CACNA1G: variants seen among roughly 807,000 people sequenced by gnomAD.
The protein encoded by CACNA1G is voltage-dependent T-type calcium channel subunit alpha-1G.
CACNA1G carries 67 observed loss-of-function variants against 219.4 expected under a neutral mutation model. That is an observed-to-expected ratio of 0.31 (90% CI 0.25 to 0.37). The LOEUF (loss-of-function observed/expected upper bound fraction) is 0.37, where lower values mean the gene tolerates loss of function less well. Among genes scored for constraint, CACNA1G ranks in the 10% least tolerant of loss-of-function variants. The pLI is 1.00. For synonymous variants in CACNA1G, 1,296 were observed against 1,345.3 expected (o/e 0.96, Z 0.80); for missense variants, 2,380 against 3,231.4 (o/e 0.74, Z 6.39).
intron 1 of CACNA1G, 32 bp downstream of exon 1, chr17:50,561,733 G>T: frequency 6.5e-7 from 1 of 1,527,786 alleles, no homozygotes; most frequent in Non-Finnish European, 8.8e-7. Flanking sequence ...CCAGGCGCGG[G>T]GTCAGAAGGG....
intron 26 of CACNA1G, among the ~76,000 whole-genome samples, chr17:50,610,679 G>A (rs554413112): frequency 1.2e-4 from 18 of 152,172 alleles, no homozygotes; most frequent in African/African-American, 4.3e-4. Context: ...TCTCCAGCTG[G>A]TGGTTCCCAA....
At chr17:50,593,352 G>T (rs1320805778) in intron 13 of CACNA1G, among the ~76,000 whole-genome samples, 1 of 152,214 alleles carries the variant, frequency 6.6e-6, no homozygotes, top group Non-Finnish European at 1.5e-5. Flanking sequence ...GCCAGCCACG[G>T]TTCCCTCAGA....
intron 1 of CACNA1G, among the ~76,000 whole-genome samples, chr17:50,564,657 A>T (rs941236689): frequency 6.6e-6 from 1 of 152,024 alleles, no homozygotes; most frequent in Non-Finnish European, 1.5e-5. Context: ...CTTCCTTGCC[A>T]CACTGTCCCA....
In CACNA1G at chr17:50,577,801, C is replaced by T. The variant is rs150934802; in HGVS notation, c.1925-387C>T. Among the ~76,000 whole-genome samples, 240 of 152,042 alleles carry T rather than the reference C, an allele frequency of 1.6e-3. 1 individual carries two copies. Among genetic ancestry groups the T allele is most frequent in the Non-Finnish European group, 2.9e-3 (194 of 67,968 alleles). On this transcript the variant is annotated intron_variant, in intron 8 of 37. Transcript: ENST00000359106. The stretch of plus-strand genomic sequence containing the variant: ...GTGTGTGCAAGTGCACGTGTGTGGG[C>T]GTGTCTTAAGGATCCCATGGAAAGT...
rs1305717975 is a variant in CACNA1G, at chr17:50,618,005, G to T, written c.5227-43G>T. ...GAAGGGGCTCAGAGAAGCTGACTGG[G>T]AGACCCAGCGGCATCGTTTCTATTT... On this transcript the variant is annotated intron_variant, in intron 30 of 37. Transcript: ENST00000359106. The surrounding 1 kb of genome is among the most constrained non-coding windows in gnomAD (Gnocchi z 5.3). The T allele has an allele frequency of 1.9e-6, 3 of 1,612,820 alleles. No individual in the cohort carries two copies. The African/African-American group carries it at 4.0e-5, about 22-fold the overall frequency.
chr17:50,563,705 T>C (rs1025392395), intron 1 of CACNA1G: 2 of 152,106 alleles, frequency 1.3e-5, no homozygotes, highest in Non-Finnish European at 2.9e-5. Flanking sequence ...ACCTTGGGAG[T>C]TGGGGAGCAG....
At chr17:50,574,601 G>A (rs1741253285) in intron 7 of CACNA1G, among the ~76,000 whole-genome samples, 1 of 152,182 alleles carries the variant, frequency 6.6e-6, no homozygotes, top group Admixed American at 6.5e-5. Flanking sequence ...CCTGGGCTTG[G>A]GAGAGGGGGA....
rs530678477 is a variant in CACNA1G at position 50,583,576 on chromosome 17, T to C, written c.2301+5012T>C. Among the ~76,000 whole-genome samples the C allele has an allele frequency of 5.3e-5, 8 of 151,228 alleles. No homozygotes were observed. In the East Asian group the frequency reaches 1.6e-3, roughly 30 times the overall value. On this transcript the variant is annotated intron_variant, in intron 9 of 37. Transcript: ENST00000359106. ...CAAAGGAGAGCTGCTCATCCCCAGC[T>C]CTCCTTCGGAAGGGCTTCACGAAGG...
chr17:50,561,594 C>G lies in CACNA1G; in HGVS notation c.135C>G (p.Asp45Glu), dbSNP rs1170820504. ...GSAEKDPGSA[D>E]SEAEGLPYPA... The stretch of plus-strand genomic sequence containing the variant: ...CAGAAAAGGACCCGGGCAGCGCGGA[C>G]TCCGAGGCGGAGGGGCTGCCGTACC... The change falls in exon 1 of 38, where the codon GAC becomes GAG. Residue 45 changes from aspartate (D) to glutamate (E), a missense_variant. By Grantham distance (45) the Asp-to-Glu change is conservative. This residue lies in a region of CACNA1G where 98 missense variants were observed against 85.5 expected (regional missense o/e 1.15). Transcript: ENST00000359106. The G allele has an allele frequency of 6.3e-7, 1 of 1,575,254 alleles. No homozygotes were observed. Among genetic ancestry groups the G allele is most frequent in the Non-Finnish European group, 8.6e-7 (1 of 1,162,804 alleles).
chr17:50,611,493 G>T (rs976897196), intron 26 of CACNA1G, among the ~76,000 whole-genome samples: 1 of 152,088 alleles, frequency 6.6e-6, no homozygotes, highest in Non-Finnish European at 1.5e-5. Context: ...GGCCCTCAGC[G>T]CTATGGCCCC....
At chr17:50,587,463 G>A (rs1422766480) in intron 9 of CACNA1G, among the ~76,000 whole-genome samples, 1 of 152,230 alleles carries the variant, frequency 6.6e-6, no homozygotes, top group Non-Finnish European at 1.5e-5. Context: ...GGGCAACTTT[G>A]TTGCTAAGAT....
rs996431769 is a variant in CACNA1G, at chr17:50,596,442, G to A, written c.2980-120G>A. 7.8e-5 allele frequency: 62 copies of A among 796,678 alleles called. No homozygotes were observed. The highest frequency in any genetic ancestry group is 1.1e-4 in the Non-Finnish European group (52 of 469,620). The allele number at this position is 796,678 out of a possible 1,614,324, so 49.4% of individuals were successfully genotyped here. ...GCCTGCGCCGTGCATGTCTCGTGCCGTGGTTGCTGGTTCCTGTGGCCTATA... is the reference window on the plus strand; with the variant it reads ...GCCTGCGCCGTGCATGTCTCGTGCCATGGTTGCTGGTTCCTGTGGCCTATA... On this transcript the variant is annotated intron_variant, in intron 14 of 37. Coordinates refer to ENST00000359106, the MANE Select transcript of CACNA1G (RefSeq NM_018896.5). The surrounding 1 kb of genome is among the most constrained non-coding windows in gnomAD (Gnocchi z 4.8).
intron 4 of CACNA1G, 133 bp downstream of exon 4, chr17:50,569,936 G>C (rs1201864820): frequency 1.6e-6 from 1 of 641,100 alleles, no homozygotes; most frequent in Non-Finnish European, 2.7e-6. Context: ...TCAGTGGGGA[G>C]CTGGGATTGC....
chr17:50,624,324 T>TGCCCCCCCCCCCCCCCCCCCTACCCCC, intron 36 of CACNA1G, 36 bp from the exon 37 acceptor site: 1 of 1,177,660 alleles, frequency 8.5e-7, no homozygotes, highest in Non-Finnish European at 1.2e-6. Flanking sequence ...CTCCATTCTC[T>TGCCCCCCCCCCCCCCCCCCCTACCCCC]CCCCCCACCC....
rs115370285 is a variant in CACNA1G at position 50,603,283 on chromosome 17, C to T, written c.4169+84C>T. The T allele has an allele frequency of 2.8e-3, 3,609 of 1,277,660 alleles. 67 individuals carry two copies. The African/African-American group carries it at 0.046, about 16-fold the overall frequency. 79.1% of individuals were successfully genotyped at this position (1,277,660 alleles called of 1,614,324 possible). ...CTCCCACCGCCAGCACTCCCTGCCACGAAACAAAAGCCTGCACAGGCCAGC... is the reference window on the plus strand; with the variant it reads ...CTCCCACCGCCAGCACTCCCTGCCATGAAACAAAAGCCTGCACAGGCCAGC... On this transcript the variant is annotated intron_variant, in intron 21 of 37. Coordinates refer to ENST00000359106, the MANE Select transcript of CACNA1G (RefSeq NM_018896.5). This position sits in a 1 kb window ranked among gnomAD's most constrained non-coding sequence, Gnocchi z 6.4.
At position 50,603,488 on chromosome 17, in the gene CACNA1G, A is replaced by C. The variant is rs889856876; in HGVS notation, c.4169+289A>C. Among the ~76,000 whole-genome samples the C allele has an allele frequency of 6.6e-6, 1 of 152,146 alleles. No homozygotes were observed. The highest frequency in any genetic ancestry group is 1.5e-5 in the Non-Finnish European group (1 of 68,018). On this transcript the variant is annotated intron_variant, in intron 21 of 37. Coordinates refer to ENST00000359106, the MANE Select transcript of CACNA1G (RefSeq NM_018896.5). This position sits in a 1 kb window ranked among gnomAD's most constrained non-coding sequence, Gnocchi z 6.4. ...TGCAGCCCTGTGCAGCACACAGCACAAGGGGCCACGAGCAGGACTCTCACA... is the reference window on the plus strand; with the variant it reads ...TGCAGCCCTGTGCAGCACACAGCACCAGGGGCCACGAGCAGGACTCTCACA...
chr17:50,577,775 T>C (rs1046097778), intron 8 of CACNA1G, among the ~76,000 whole-genome samples: 1 of 151,884 alleles, frequency 6.6e-6, no homozygotes, highest in East Asian at 1.9e-4. Flanking sequence ...CTGGTGTGGG[T>C]GTGTGTGCAA....
chr17:50,590,420 C>T (rs142761441), intron 9 of CACNA1G, 51 bp from the exon 10 acceptor site: 10 of 1,602,294 alleles, frequency 6.2e-6, no homozygotes, highest in Middle Eastern at 2.0e-4. Flanking sequence ...AGGACTGGAT[C>T]GAGGGGCTCA....
In CACNA1G at chr17:50,600,703, A is replaced by G; in HGVS notation, c.3691-23A>G. On this transcript the variant is annotated intron_variant, in intron 17 of 37. Transcript: ENST00000359106. This position sits in a 1 kb window ranked among gnomAD's most constrained non-coding sequence, Gnocchi z 4.1. ...GGAACCTGGAGGCCTGGTCCTGCTC[A>G]TACTCCAGTGTTTGTTCTGCAGAGC... The G allele has an allele frequency of 6.2e-7, 1 of 1,607,006 alleles. No individual in the cohort carries two copies. Among genetic ancestry groups the G allele is most frequent in the Non-Finnish European group, 8.5e-7 (1 of 1,173,752 alleles).
Sources: allele counts gnomAD v4.1 joint callset (sites outside exome capture counted in the v4.1 genomes callset), GRCh38; gene constraint gnomAD v4.1.1; regional missense constraint gnomAD v4.1.1; non-coding constraint Gnocchi (gnomAD v3.1); transcripts MANE v1.5; gene names NCBI Gene and HGNC (gene_info 2026-07-23, HGNC 2026-07-21).